PIP5K1B: variants seen among roughly 807,000 people sequenced by gnomAD.
PIP5K1B encodes the protein phosphatidylinositol-4-phosphate 5-kinase type 1 beta, also known as phosphatidylinositol 4-phosphate 5-kinase type-1 beta.
A neutral mutation model predicts 67.0 loss-of-function variants in PIP5K1B; 42 were observed. The ratio of observed to expected loss-of-function variants is 0.63; its 90% CI spans 0.49 to 0.81. The LOEUF (loss-of-function observed/expected upper bound fraction) is 0.81, where lower values mean the gene tolerates loss of function less well. PIP5K1B is among the 30% of genes least tolerant of loss of function. PIP5K1B has a pLI of 0.00. For missense variants in PIP5K1B, 459 were observed against 646.3 expected (o/e 0.71, Z 3.14); for synonymous variants, 214 against 231.4 (o/e 0.92, Z 0.68).
At chr9:68,908,928 A>T (rs1043724148) in intron 8 of PIP5K1B, among the ~76,000 whole-genome samples, 1 of 152,240 alleles carries the variant, frequency 6.6e-6, no homozygotes, top group Non-Finnish European at 1.5e-5. Context: ...AGGACCCTTG[A>T]TACATCTTCC....
At chr9:68,931,229 A>C (rs1330285747) in intron 12 of PIP5K1B, among the ~76,000 whole-genome samples, 1 of 152,214 alleles carries the variant, frequency 6.6e-6, no homozygotes, top group Non-Finnish European at 1.5e-5. Flanking sequence ...CATACGAATA[A>C]TTTGTCTAAA....
At chr9:68,964,557 T>A (rs1401674412) in intron 14 of PIP5K1B, among the ~76,000 whole-genome samples, 6 of 152,240 alleles carry the variant, frequency 3.9e-5, no homozygotes, top group African/African-American at 1.4e-4. Flanking sequence ...AGGAAGCTGA[T>A]GAGCCTGGCA....
rs560326958 is a variant in PIP5K1B at position 68,796,786 on chromosome 9, C to T, written c.-85-21675C>T. ...AGAAGCCAGAGTTAGATATCTATCC[C>T]ACAGATTTAAGGTCACCACCGTTTC... On this transcript the variant is annotated intron_variant, in intron 2 of 15. Transcript: ENST00000265382. Among the ~76,000 whole-genome samples, 3 of 152,242 alleles carry T rather than the reference C, an allele frequency of 2.0e-5. No homozygotes were observed. In the South Asian group the frequency reaches 6.2e-4, roughly 32 times the overall value.
chr9:68,943,056 C>T (rs748305169), intron 14 of PIP5K1B, among the ~76,000 whole-genome samples: 14 of 152,180 alleles, frequency 9.2e-5, no homozygotes, highest in African/African-American at 1.9e-4. Context: ...CCCAGACAAA[C>T]GCATTTCAGT....
chr9:68,770,976 A>G (rs1209739751), intron 2 of PIP5K1B, among the ~76,000 whole-genome samples: 2 of 152,236 alleles, frequency 1.3e-5, no homozygotes, highest in South Asian at 2.1e-4. Flanking sequence ...AGATATCAGC[A>G]TATCGATCAT....
rs1260540559 is a variant in PIP5K1B at position 68,888,989 on chromosome 9, C to T, written c.327C>T (p.Ile109=). ...GIKPDDYLYS[I]CSEPLIELSN... ...TTCATTTACCCTTTTAGTATTCCATCTGCAGTGAACCTCTAATAGAACTGT... is the reference window on the plus strand; with the variant it reads ...TTCATTTACCCTTTTAGTATTCCATTTGCAGTGAACCTCTAATAGAACTGT... Residue 109 remains isoleucine, a synonymous_variant, in exon 7 of 16, where the codon ATC becomes ATT. Transcript: ENST00000265382. The T allele has an allele frequency of 2.5e-6, 4 of 1,606,588 alleles. No individual in the cohort carries two copies. Among genetic ancestry groups the T allele is most frequent in the Non-Finnish European group, 3.4e-6 (4 of 1,173,584 alleles).
At chr9:68,782,416 A>T (rs752196730) in intron 2 of PIP5K1B, 38 of 166,834 alleles carry the variant, frequency 2.3e-4, no homozygotes, top group Non-Finnish European at 4.0e-4. Context: ...AATAGCAAAA[A>T]TTTTTTTATA....
At chr9:68,729,931 G>GA (rs57512192) in intron 1 of PIP5K1B, among the ~76,000 whole-genome samples, 16 of 145,258 alleles carry the variant, frequency 1.1e-4, no homozygotes, top group South Asian at 4.4e-4. Context: ...AGTCAAAGGA[G>GA]AAAAAAAAAA....
chr9:68,709,999 T>A (rs1827307776), intron 1 of PIP5K1B, among the ~76,000 whole-genome samples: 1 of 152,262 alleles, frequency 6.6e-6, no homozygotes, highest in Non-Finnish European at 1.5e-5. Flanking sequence ...GGTAGCCTTG[T>A]CATGCAGCTG....
chr9:68,838,459 G>A (rs1821750933), intron 4 of PIP5K1B, among the ~76,000 whole-genome samples: 2 of 152,172 alleles, frequency 1.3e-5, no homozygotes, highest in Non-Finnish European at 2.9e-5. Context: ...AAAATCCCTT[G>A]GTCACGTACA....
chr9:68,765,552 A>C (rs1230405385), intron 2 of PIP5K1B, among the ~76,000 whole-genome samples: 1 of 152,054 alleles, frequency 6.6e-6, no homozygotes, highest in Non-Finnish European at 1.5e-5. Context: ...TTTTTCTTTT[A>C]ACATAAATTC....
At chr9:68,764,427 A>G (rs1424120683) in intron 2 of PIP5K1B, among the ~76,000 whole-genome samples, 1 of 152,108 alleles carries the variant, frequency 6.6e-6, no homozygotes, top group Non-Finnish European at 1.5e-5. Flanking sequence ...TTTGAGATCC[A>G]TTCTGTTTGA....
chr9:68,789,721 G>A (rs1234557055), intron 2 of PIP5K1B: 2 of 254,294 alleles, frequency 7.9e-6, no homozygotes, highest in Non-Finnish European at 1.5e-5. Flanking sequence ...CAGTCTGAAA[G>A]CCTCAGGACT....
intron 15 of PIP5K1B, among the ~76,000 whole-genome samples, chr9:68,999,112 T>G (rs1026146130): frequency 1.3e-5 from 2 of 152,222 alleles, no homozygotes; most frequent in African/African-American, 4.8e-5. Context: ...TCTGCGTCAC[T>G]GCTGCCATGT....
chr9:68,991,494 T>C (rs545716323), intron 15 of PIP5K1B, among the ~76,000 whole-genome samples: 1 of 152,320 alleles, frequency 6.6e-6, no homozygotes, highest in South Asian at 2.1e-4. Flanking sequence ...AGAGAACGAA[T>C]CCTCTAATGT....
intron 4 of PIP5K1B, among the ~76,000 whole-genome samples, chr9:68,840,902 G>A (rs530364992): frequency 1.8e-3 from 269 of 152,304 alleles, no homozygotes; most frequent in Non-Finnish European, 3.0e-3. Context: ...GGGAGACATT[G>A]TTCTGTCTGC....
chr9:68,830,421 T>C (rs1301277606), intron 4 of PIP5K1B, among the ~76,000 whole-genome samples: 1 of 89,590 alleles, frequency 1.1e-5, no homozygotes, highest in Non-Finnish European at 2.3e-5. Context: ...CAGCTTCAGA[T>C]TAAAACAGCT....
chr9:68,779,006 C>T (rs948209276), intron 2 of PIP5K1B, among the ~76,000 whole-genome samples: 4 of 152,136 alleles, frequency 2.6e-5, no homozygotes, highest in African/African-American at 9.7e-5. Context: ...CACCATCTTA[C>T]TTTTCCTAAG....
intron 2 of PIP5K1B, chr9:68,789,709 T>A: frequency 3.7e-6 from 1 of 273,282 alleles, no homozygotes; most frequent in South Asian, 3.8e-5. Flanking sequence ...GAAAGCCTTT[T>A]TCAGTCTGAA....
Sources: gnomAD v4.1 joint callset for allele counts (sites outside exome capture counted in the v4.1 genomes callset) on GRCh38, gnomAD v4.1.1 for gene constraint, MANE v1.5 for transcripts, NCBI Gene and HGNC (gene_info 2026-07-23, HGNC 2026-07-21) for gene names.